The following ZHX3 variants were observed in gnomAD, a reference collection of about 807,000 sequenced individuals.
ZHX3 encodes zinc fingers and homeoboxes protein 3.
A neutral mutation model predicts 64.5 loss-of-function variants in ZHX3; 20 were observed. The ratio of observed to expected loss-of-function variants is 0.31; its 90% CI spans 0.22 to 0.45. The LOEUF is 0.45. ZHX3 is among the 20% of genes least tolerant of loss of function. ZHX3 has a pLI of 1.00. For synonymous variants in ZHX3, 423 were observed against 461.6 expected (o/e 0.92, Z 1.07); for missense variants, 1,041 against 1,195.8 (o/e 0.87, Z 1.91).
At chr20:41,305,323 C>T (rs1309246055) in intron 1 of ZHX3, among the ~76,000 whole-genome samples, 1 of 152,074 alleles carries the variant, frequency 6.6e-6, no homozygotes, top group Non-Finnish European at 1.5e-5. Flanking sequence ...TGAAACCCTG[C>T]CTCTACAAAA....
chr20:41,220,965 A>G (rs535271800), intron 2 of ZHX3, among the ~76,000 whole-genome samples: 7 of 152,236 alleles, frequency 4.6e-5, no homozygotes, highest in Admixed American at 3.9e-4. Flanking sequence ...CTGGGATTAC[A>G]GGCATAGCCA....
rs1240770114 is a variant in ZHX3 at position 41,204,372 on chromosome 20, G to A, written c.545C>T (p.Thr182Ile). 2 of 1,614,026 alleles carry A rather than the reference G, an allele frequency of 1.2e-6. No homozygotes were observed. Among genetic ancestry groups the A allele is most frequent in the Admixed American group, 3.3e-5 (2 of 60,008 alleles). Residue 182 changes from threonine (T) to isoleucine (I), a missense_variant, in exon 3 of 4, where the codon ACC (threonine) becomes ATC (isoleucine). This residue lies in a region of ZHX3 where 358 missense variants were observed against 369.1 expected (regional missense o/e 0.97). Coordinates refer to ENST00000683867, the MANE Select transcript of ZHX3 (RefSeq NM_001384317.1). The surrounding 1 kb of genome is among the most constrained non-coding windows in gnomAD (Gnocchi z 6.6). ...GADGQAEIII[T>I]KTPIMKIMKG... is the part of the protein sequence containing the mutation. ...CATTATCTTCATGATTGGAGTTTTG[G>A]TAATGATGATTTCTGCCTGTCCATC...
chr20:41,186,334 T>C (rs947407658), intron 3 of ZHX3, among the ~76,000 whole-genome samples: 2 of 152,240 alleles, frequency 1.3e-5, no homozygotes, highest in African/African-American at 4.8e-5. Context: ...ATATCAGAAT[T>C]TTATTCCTTT....
Position 41,201,977 on chromosome 20 carries a change from G to A in ZHX3, c.2860+80C>T. 6.8e-7 allele frequency: 1 copy of A among 1,465,716 alleles called. No homozygotes were observed. Among genetic ancestry groups the A allele is most frequent in the Non-Finnish European group, 9.0e-7 (1 of 1,105,724 alleles). The allele number at this position is 1,465,716 out of a possible 1,614,324, so 90.8% of individuals were successfully genotyped here. A position where few individuals can be genotyped will look rare whatever the true frequency, so the allele number is the denominator to read the frequency against. On this transcript the variant is annotated intron_variant, in intron 3 of 3. Coordinates refer to ENST00000683867, the MANE Select transcript of ZHX3 (RefSeq NM_001384317.1). This position sits in a 1 kb window ranked among gnomAD's most constrained non-coding sequence, Gnocchi z 5.0. ...CCTTAGAGACAGCAGATGCCCCTGT[G>A]CAGTAAATTCAGTGCCCAACCATAA...
intron 3 of ZHX3, chr20:41,196,674 A>G (rs1452453831): frequency 6.2e-6 from 1 of 162,242 alleles, no homozygotes; most frequent in Admixed American, 6.9e-5. Context: ...CCTTTTTCAA[A>G]AGAGGACACT....
chr20:41,276,148 G>A (rs2043366559), intron 1 of ZHX3, among the ~76,000 whole-genome samples: 1 of 152,170 alleles, frequency 6.6e-6, no homozygotes, highest in Admixed American at 6.5e-5. Context: ...TTCTTAGGGA[G>A]TATGCTCAAT....
chr20:41,277,612 G>A (rs1249168351), intron 1 of ZHX3, among the ~76,000 whole-genome samples: 1 of 148,838 alleles, frequency 6.7e-6, no homozygotes, highest in Admixed American at 6.7e-5. Context: ...TTTTTTTTGA[G>A]ACAGAGTCTC....
Position 41,277,968 on chromosome 20 carries a change from T to TG in ZHX3, c.-244-8886dup, listed in dbSNP as rs1272325482. On this transcript the variant is annotated intron_variant, in intron 1 of 3. Transcript: ENST00000683867. Reference sequence around the variant, plus strand: ...GGGGATGGAAAGATTAATTTAAGTGTGGAAAAAAAACTCCCCTGATTACAA... The same window carrying TG: ...GGGGATGGAAAGATTAATTTAAGTGTGGGAAAAAAAACTCCCCTGATTACAA... Among the ~76,000 whole-genome samples the TG allele has an allele frequency of 6.2e-5, 7 of 113,680 alleles. 1 individual carries two copies. The South Asian group carries it at 8.8e-4, about 14-fold the overall frequency. The allele number at this position is 113,680 out of a possible 152,430, so 74.6% of individuals were successfully genotyped here. A position where few individuals can be genotyped will look rare whatever the true frequency, so the allele number is the denominator to read the frequency against.
In ZHX3 at chr20:41,204,299, G is replaced by A. The variant is rs1318305981; in HGVS notation, c.618C>T (p.Val206=). The A allele has an allele frequency of 1.9e-6, 3 of 1,614,238 alleles. No individual in the cohort carries two copies. The South Asian group carries it at 3.3e-5, about 18-fold the overall frequency. ...AKKIHTLKEN[V]PSQPVGEALP... ...AGGCCTCACCCACAGGCTGGCTAGGGACATTCTCCTTGAGTGTATGAATTT... is the reference window on the plus strand; with the variant it reads ...AGGCCTCACCCACAGGCTGGCTAGGAACATTCTCCTTGAGTGTATGAATTT... The change falls in exon 3 of 4, where the codon GTC becomes GTT. Residue 206 remains valine (V), a synonymous_variant. Transcript: ENST00000683867. The surrounding 1 kb of genome is among the most constrained non-coding windows in gnomAD (Gnocchi z 6.6).
rs1299658372 is a variant in ZHX3 at position 41,179,271 on chromosome 20, CAG to C, written c.*5918_*5919del. The C allele has an allele frequency of 6.6e-6, 1 of 152,208 alleles. No homozygotes were observed. The highest frequency in any genetic ancestry group is 6.5e-5 in the Admixed American group (1 of 15,290). 9.4% of individuals were successfully genotyped at this position (152,208 alleles called of 1,614,324 possible). ...AGAAGCACAGCGGGAACCCTCTACA[CAG>C]GGGTGACTGCTTCTCCCCTGGCCCC... is the stretch of plus-strand genomic sequence containing the variant. On this transcript the variant is annotated 3_prime_UTR_variant, in exon 4 of 4. Coordinates refer to ENST00000683867, the MANE Select transcript of ZHX3 (RefSeq NM_001384317.1). This position sits in a 1 kb window ranked among gnomAD's most constrained non-coding sequence, Gnocchi z 4.3.
chr20:41,194,743 T>C (rs2037339436), intron 3 of ZHX3, among the ~76,000 whole-genome samples: 5 of 152,194 alleles, frequency 3.3e-5, no homozygotes, highest in Admixed American at 3.3e-4. Context: ...GTTATTGATA[T>C]ATTTTGGTTT....
At chr20:41,300,210 G>C (rs1441499263) in intron 1 of ZHX3, 1 of 152,172 alleles carries the variant, frequency 6.6e-6, no homozygotes, top group Non-Finnish European at 1.5e-5. Context: ...CTTTGGGATG[G>C]GAGGGTAGGA....
rs1481913233 is a variant in ZHX3, at chr20:41,200,389, GTATAA to G, written c.2860+1663_2860+1667del. ...TATATTACAAGAAGCACAGAGCTGG[GTATAA>G]TATAAGGACCAACTTACAAACTTGG... On this transcript the variant is annotated intron_variant, in intron 3 of 3. Transcript: ENST00000683867. This position sits in a 1 kb window ranked among gnomAD's most constrained non-coding sequence, Gnocchi z 4.2. 6.6e-6 allele frequency among the ~76,000 whole-genome samples: 1 copy of G among 152,182 alleles called. No individual in the cohort carries two copies. Among genetic ancestry groups the G allele is most frequent in the African/African-American group, 2.4e-5 (1 of 41,438 alleles).
chr20:41,297,879 A>G (rs1489531186), intron 1 of ZHX3, among the ~76,000 whole-genome samples: 1 of 152,202 alleles, frequency 6.6e-6, no homozygotes, highest in Admixed American at 6.5e-5. Context: ...AATGTGTCAG[A>G]CTTTTACTGG....
At chr20:41,313,742 C>T (rs931979133) in intron 1 of ZHX3, among the ~76,000 whole-genome samples, 3 of 152,012 alleles carry the variant, frequency 2.0e-5, no homozygotes, top group South Asian at 2.1e-4. Flanking sequence ...GAACTACAGG[C>T]GCCCGCCAAC....
chr20:41,273,166 C>T (rs541319004), intron 1 of ZHX3, among the ~76,000 whole-genome samples: 1 of 152,236 alleles, frequency 6.6e-6, no homozygotes, highest in South Asian at 2.1e-4. Context: ...TGTTTCTTGG[C>T]CATTTGCATA....
intron 2 of ZHX3, among the ~76,000 whole-genome samples, chr20:41,227,054 T>C (rs1245972899): frequency 1.3e-5 from 2 of 152,222 alleles, no homozygotes; most frequent in Non-Finnish European, 2.9e-5. Context: ...TTGATCAGCC[T>C]TATCATTACA....
chr20:41,184,984 C>A lies in ZHX3; in HGVS notation c.*207G>T. The A allele has an allele frequency of 6.5e-7, 1 of 1,550,064 alleles. No individual in the cohort carries two copies. Among genetic ancestry groups the A allele is most frequent in the Non-Finnish European group, 8.7e-7 (1 of 1,146,992 alleles). On this transcript the variant is annotated 3_prime_UTR_variant, in exon 4 of 4. Transcript: ENST00000683867. ...TTGTGGGAGGAAGAACTGATGAGAACCCCATCTTGCTTGCTGCTTGCTTGG... is the reference window on the plus strand; with the variant it reads ...TTGTGGGAGGAAGAACTGATGAGAAACCCATCTTGCTTGCTGCTTGCTTGG...
At chr20:41,296,860 A>C (rs2044556109) in intron 1 of ZHX3, among the ~76,000 whole-genome samples, 2 of 152,234 alleles carry the variant, frequency 1.3e-5, no homozygotes, top group Non-Finnish European at 2.9e-5. Flanking sequence ...GCTCCTCTCA[A>C]GGTAGCCTCT....
Sources: allele counts gnomAD v4.1 joint callset (sites outside exome capture counted in the v4.1 genomes callset), GRCh38; gene constraint gnomAD v4.1.1; regional missense constraint gnomAD v4.1.1; non-coding constraint Gnocchi (gnomAD v3.1); transcripts MANE v1.5; gene names NCBI Gene and HGNC (gene_info 2026-07-23, HGNC 2026-07-21).